Variants in TBC1D5 observed in about 807,000 individuals in gnomAD.
The protein encoded by TBC1D5 is TBC1 domain family, member 5.
A neutral mutation model predicts 100.3 loss-of-function variants in TBC1D5; 75 were observed. That is an observed-to-expected ratio of 0.75 (90% CI 0.62 to 0.91). The LOEUF (loss-of-function observed/expected upper bound fraction) is 0.91. TBC1D5 is among the 40% of genes least tolerant of loss of function. The pLI is 0.00. For missense variants in TBC1D5, 910 were observed against 942.4 expected, an observed-to-expected ratio of 0.97 and a Z score of 0.45; for synonymous variants, 323 against 325.6, an observed-to-expected ratio of 0.99 and a Z score of 0.09.
At chr3:17,237,864 G>A (rs2075982631) in intron 17 of TBC1D5, among the ~76,000 whole-genome samples, 1 of 152,152 alleles carries the variant, frequency 6.6e-6, no homozygotes, top group Admixed American at 6.5e-5. Flanking sequence ...AAAGTTAGCA[G>A]AGAACACAGT....
intron 17 of TBC1D5, among the ~76,000 whole-genome samples, chr3:17,217,871 C>G (rs1227874734): frequency 6.6e-6 from 1 of 151,988 alleles, no homozygotes; most frequent in African/African-American, 2.4e-5. Flanking sequence ...TGGATGAAGT[C>G]TCATCTACCT....
intron 3 of TBC1D5, among the ~76,000 whole-genome samples, chr3:17,496,653 T>C (rs111868261): frequency 1.3e-5 from 2 of 152,150 alleles, no homozygotes; most frequent in African/African-American, 4.8e-5. Flanking sequence ...TGTTAAAATG[T>C]TGAGAATGGG....
chr3:17,607,673 AAC>A (rs2061416318), intron 2 of TBC1D5, among the ~76,000 whole-genome samples: 1 of 151,940 alleles, frequency 6.6e-6, no homozygotes, highest in Non-Finnish European at 1.5e-5. Context: ...ACCCCCCAAA[AAC>A]ACACAAACAC....
intron 1 of TBC1D5, among the ~76,000 whole-genome samples, chr3:17,631,182 G>C (rs972841533): frequency 6.6e-6 from 1 of 152,038 alleles, no homozygotes; most frequent in South Asian, 2.1e-4. Flanking sequence ...CCTTAGTGCC[G>C]ATATGAAGAA....
intron 1 of TBC1D5, among the ~76,000 whole-genome samples, chr3:17,704,906 G>A (rs1225109648): frequency 5.2e-5 from 5 of 96,012 alleles, no homozygotes; most frequent in African/African-American, 1.7e-4. Context: ...CGGACGGGGC[G>A]GCTGGCCGGG....
chr3:17,612,100 G>C (rs1217890013), intron 2 of TBC1D5, among the ~76,000 whole-genome samples: 1 of 152,016 alleles, frequency 6.6e-6, no homozygotes, highest in Non-Finnish European at 1.5e-5. Flanking sequence ...AGGAGTAGGA[G>C]ACCAGCCTGG....
intron 13 of TBC1D5, among the ~76,000 whole-genome samples, chr3:17,309,186 A>C (rs2083718702): frequency 6.6e-6 from 1 of 152,020 alleles, no homozygotes; most frequent in Non-Finnish European, 1.5e-5. Context: ...GGGTTAAAGC[A>C]AGGCAAAAAA....
intron 1 of TBC1D5, among the ~76,000 whole-genome samples, chr3:17,728,257 T>C (rs927030801): frequency 1.3e-5 from 2 of 152,184 alleles, no homozygotes; most frequent in Non-Finnish European, 2.9e-5. Context: ...ATTAAATTTA[T>C]TCTGAAAGTG....
At chr3:17,333,848 T>C (rs1052595401) in intron 13 of TBC1D5, among the ~76,000 whole-genome samples, 1 of 152,088 alleles carries the variant, frequency 6.6e-6, no homozygotes, top group African/African-American at 2.4e-5. Flanking sequence ...GTAAGCATGG[T>C]TATATTTTTC....
rs1255932626 is a variant in TBC1D5 at position 17,637,485 on chromosome 3, T to C, written c.-100-13572A>G. On this transcript the variant is annotated intron_variant, in intron 1 of 21. Coordinates refer to ENST00000253692, the Ensembl canonical transcript of TBC1D5. Reference sequence around the variant, plus strand: ...GGGAAAAAATCACCATAAATAAATATGAAATATACACAAACTGGAAAAATA... The same window carrying C: ...GGGAAAAAATCACCATAAATAAATACGAAATATACACAAACTGGAAAAATA... Among the ~76,000 whole-genome samples the C allele has an allele frequency of 3.3e-5, 5 of 151,828 alleles. No individual in the cohort carries two copies. In the East Asian group the frequency reaches 9.6e-4, roughly 29 times the overall value.
At chr3:17,292,035 A>G in intron 14 of TBC1D5, 34 bp from the exon 15 acceptor site, 1 of 1,546,920 alleles carries the variant, frequency 6.5e-7, no homozygotes, top group South Asian at 1.1e-5. Context: ...CAGATGCAAT[A>G]CTATTTAAGA....
chr3:17,440,507 C>T (rs556446955), intron 3 of TBC1D5, among the ~76,000 whole-genome samples: 1 of 146,210 alleles, frequency 6.8e-6, no homozygotes, highest in South Asian at 2.1e-4. Context: ...GTCCCAGCTA[C>T]CTAGGGGACT....
intron 19 of TBC1D5, among the ~76,000 whole-genome samples, chr3:17,177,476 C>T (rs899950810): frequency 6.6e-6 from 1 of 152,208 alleles, no homozygotes; most frequent in Non-Finnish European, 1.5e-5. Context: ...AGGCAGTGGG[C>T]TCTCTGCCCA....
intron 2 of TBC1D5, among the ~76,000 whole-genome samples, chr3:17,549,767 G>A (rs2096456349): frequency 6.6e-6 from 1 of 151,844 alleles, no homozygotes; most frequent in Non-Finnish European, 1.5e-5. Context: ...CTCGTCTCTA[G>A]TAAAAATACA....
At position 17,533,730 on chromosome 3, in the gene TBC1D5, A is replaced by G. The variant is rs563639986; in HGVS notation, c.-35-25125T>C. ...CAAAAGACAACCTTTAGTTAGCTCT[A>G]ACAATCGTTCTGGATTTGGGTTTCT... On this transcript the variant is annotated intron_variant, in intron 2 of 21. Transcript: ENST00000253692. 1.1e-4 allele frequency among the ~76,000 whole-genome samples: 16 copies of G among 151,708 alleles called. No individual in the cohort carries two copies. The East Asian group carries it at 1.9e-3, about 18-fold the overall frequency.
At chr3:17,630,456 G>C (rs2153670738) in intron 1 of TBC1D5, among the ~76,000 whole-genome samples, 2 of 152,128 alleles carry the variant, frequency 1.3e-5, no homozygotes, top group Admixed American at 1.3e-4. Flanking sequence ...GTGATCAGTG[G>C]CCTTTGATGT....
chr3:17,401,140 C>T (rs1182341591), intron 8 of TBC1D5, among the ~76,000 whole-genome samples: 1 of 151,908 alleles, frequency 6.6e-6, no homozygotes, highest in African/African-American at 2.4e-5. Flanking sequence ...CTCCTAGCTA[C>T]CTTCTTTGGG....
intron 2 of TBC1D5, among the ~76,000 whole-genome samples, chr3:17,582,016 C>T (rs981257456): frequency 6.6e-6 from 1 of 152,180 alleles, no homozygotes; most frequent in African/African-American, 2.4e-5. Flanking sequence ...CTTTCCTTGA[C>T]CACTCTATCT....
intron 9 of TBC1D5, among the ~76,000 whole-genome samples, chr3:17,381,410 T>C (rs2092939165): frequency 6.6e-6 from 1 of 152,002 alleles, no homozygotes; most frequent in South Asian, 2.1e-4. Context: ...TACTACGGGG[T>C]ATTTTCAAGT....
Sources: allele counts gnomAD v4.1 joint callset (sites outside exome capture counted in the v4.1 genomes callset), GRCh38; gene constraint gnomAD v4.1.1; transcripts MANE v1.5; gene names NCBI Gene and HGNC (gene_info 2026-07-23, HGNC 2026-07-21).